ARID5A: variants seen among roughly 807,000 people sequenced by gnomAD.
ARID5A encodes the protein AT-rich interaction domain 5A, also known as AT-rich interactive domain-containing protein 5A.
In ARID5A, 14 loss-of-function variants were observed where a neutral mutation model predicts 30.5. That is an observed-to-expected ratio of 0.46 (90% CI 0.30 to 0.72). The LOEUF (loss-of-function observed/expected upper bound fraction) is 0.72, where lower values mean the gene tolerates loss of function less well. Ranked by LOEUF, ARID5A falls within the 30% of genes least tolerant of loss-of-function variation. The probability of loss-of-function intolerance (pLI) is 0.07; values close to 1 mark genes in which losing one functional copy is unlikely to be tolerated. For synonymous variants in ARID5A, 338 were observed against 340.4 expected, an observed-to-expected ratio of 0.99 and a Z score of 0.08; for missense variants, 669 against 786.2, an observed-to-expected ratio of 0.85 and a Z score of 1.78.
Position 96,549,589 on chromosome 2 carries a change from C to A in ARID5A, c.259+130C>A. The A allele has an allele frequency of 6.7e-7, 1 of 1,483,870 alleles. No individual in the cohort carries two copies. Among genetic ancestry groups the A allele is most frequent in the Non-Finnish European group, 9.3e-7 (1 of 1,077,524 alleles). 91.9% of individuals were successfully genotyped at this position (1,483,870 alleles called of 1,614,324 possible). On this transcript the variant is annotated intron_variant, in intron 3 of 6. Coordinates refer to ENST00000357485, the MANE Select transcript of ARID5A (RefSeq NM_212481.3). This position sits in a 1 kb window ranked among gnomAD's most constrained non-coding sequence, Gnocchi z 6.1. ...GAAAGGAGGCCTCCCTCCAGGCTGC[C>A]ACTGGGCCAGGGGTGCACAGGGCAC...
At position 96,539,729 on chromosome 2, in the gene ARID5A, CTCT is replaced by C. The variant is rs2065811745; in HGVS notation, c.4+2900_4+2902del. ...GCCATGCCCCTTCCCGGCCCTCCCC[CTCT>C]CCCCGCTGCTGCCCAGCTCTCTGAC... On this transcript the variant is annotated intron_variant, in intron 1 of 6. Transcript: ENST00000357485. This position sits in a 1 kb window ranked among gnomAD's most constrained non-coding sequence, Gnocchi z 4.7. Among the ~76,000 whole-genome samples, 1 of 151,146 alleles carries C rather than the reference CTCT, an allele frequency of 6.6e-6. No homozygotes were observed. The highest frequency in any genetic ancestry group is 2.5e-5 in the African/African-American group (1 of 40,522).
rs1376463086 is a variant in ARID5A, at chr2:96,550,665, G to C, written c.502G>C (p.Glu168Gln). ...KPRKQYKMAK[E>Q]NRGDDGATER... is the part of the protein sequence containing the mutation. ...CAGGAAACAGTACAAGATGGCTAAG[G>C]AGAACAGGGGGGATGATGGGGCCAC... is the stretch of plus-strand genomic sequence containing the variant. The change falls in exon 6 of 7, where the codon GAG (glutamate) becomes CAG (glutamine). Residue 168 changes from glutamate (E) to glutamine (Q), a missense_variant. Coordinates refer to ENST00000357485, the MANE Select transcript of ARID5A (RefSeq NM_212481.3). The surrounding 1 kb of genome is among the most constrained non-coding windows in gnomAD (Gnocchi z 6.6). 6.2e-7 allele frequency: 1 copy of C among 1,604,408 alleles called. No homozygotes were observed. The highest frequency in any genetic ancestry group is 8.5e-7 in the Non-Finnish European group (1 of 1,176,248).
intron 1 of ARID5A, among the ~76,000 whole-genome samples, chr2:96,542,313 G>A (rs1558614243): frequency 6.6e-6 from 1 of 152,214 alleles, no homozygotes; most frequent in Non-Finnish European, 1.5e-5. Context: ...CCTGAGAATG[G>A]AGACCGAGTT....
intron 1 of ARID5A, among the ~76,000 whole-genome samples, chr2:96,543,228 C>T (rs945633410): frequency 9.2e-5 from 14 of 152,214 alleles, no homozygotes; most frequent in Non-Finnish European, 1.0e-4. Flanking sequence ...CCTGGTCCCC[C>T]AGGGAGGCAA....
In ARID5A at chr2:96,549,888, G is replaced by A. The variant is rs2065995708; in HGVS notation, c.312+83G>A. The stretch of plus-strand genomic sequence containing the variant: ...GCGCTGTCCTTGCCTCTGGACAGAG[G>A]AAGAGCCAGGATCCCCAGTCCTACC... On this transcript the variant is annotated intron_variant, in intron 4 of 6. Transcript: ENST00000357485. The surrounding 1 kb of genome is among the most constrained non-coding windows in gnomAD (Gnocchi z 6.1). The A allele has an allele frequency of 1.3e-6, 2 of 1,556,246 alleles. No individual in the cohort carries two copies.
At chr2:96,538,629 C>T (rs1181854840) in intron 1 of ARID5A, among the ~76,000 whole-genome samples, 3 of 152,106 alleles carry the variant, frequency 2.0e-5, no homozygotes, top group Non-Finnish European at 2.9e-5. Flanking sequence ...TCGGCCTGGC[C>T]GCCGCTCCCG....
rs1167074765 is a variant in ARID5A at position 96,539,898 on chromosome 2, G to C, written c.4+3068G>C. On this transcript the variant is annotated intron_variant, in intron 1 of 6. Transcript: ENST00000357485. This position sits in a 1 kb window ranked among gnomAD's most constrained non-coding sequence, Gnocchi z 4.7. ...GACAAGTTTGCATCCTCTGAGCACAGATAAGGAACTTGAGGTCTCCCTGCT... is the reference window on the plus strand; with the variant it reads ...GACAAGTTTGCATCCTCTGAGCACACATAAGGAACTTGAGGTCTCCCTGCT... 6.6e-6 allele frequency among the ~76,000 whole-genome samples: 1 copy of C among 152,196 alleles called. No homozygotes were observed. The highest frequency in any genetic ancestry group is 1.5e-5 in the Non-Finnish European group (1 of 68,036).
At chr2:96,538,783 A>G (rs1268395088) in intron 1 of ARID5A, among the ~76,000 whole-genome samples, 1 of 152,170 alleles carries the variant, frequency 6.6e-6, no homozygotes, top group Non-Finnish European at 1.5e-5. Context: ...TGCTGTTACC[A>G]TTATTGTGGT....
chr2:96,548,142 T>C (rs536235745), intron 2 of ARID5A, among the ~76,000 whole-genome samples: 1 of 152,232 alleles, frequency 6.6e-6, no homozygotes, highest in Non-Finnish European at 1.5e-5. Context: ...TATGATTTCA[T>C]GGGTGATATG....
rs749119800 is a variant in ARID5A at position 96,551,414 on chromosome 2, G to A, written c.886G>A (p.Glu296Lys). ...PQASPAVHLP[E>K]SPQSPKGLTE... is the part of the protein sequence containing the mutation. ...GGCGTCCCCAGCTGTTCACCTCCCA[G>A]AGAGTCCCCAGAGCCCCAAAGGGCT... The change falls in exon 7 of 7, where the codon GAG (glutamate) becomes AAG (lysine). Residue 296 changes from glutamate to lysine, a missense_variant. This residue lies in a region of ARID5A where 548 missense variants were observed against 577.4 expected (regional missense o/e 0.95). Coordinates refer to ENST00000357485, the MANE Select transcript of ARID5A (RefSeq NM_212481.3). 1.0e-5 allele frequency: 16 copies of A among 1,604,440 alleles called. No individual in the cohort carries two copies. In the African/African-American group the frequency reaches 1.5e-4, roughly 15 times the overall value.
At chr2:96,538,150 A>G (rs1484311499) in intron 1 of ARID5A, 3 of 985,312 alleles carry the variant, frequency 3.0e-6, no homozygotes, top group East Asian at 1.1e-4. Context: ...CTGCTTCTAC[A>G]GTTGAGAGAC....
chr2:96,543,325 C>T (rs1306643244), intron 1 of ARID5A, among the ~76,000 whole-genome samples: 4 of 152,200 alleles, frequency 2.6e-5, no homozygotes, highest in Admixed American at 6.5e-5. Flanking sequence ...TGTACAGGCA[C>T]ACCTTGCTCT....
Position 96,552,132 on chromosome 2 carries a change from C to T in ARID5A, c.1604C>T (p.Pro535Leu), listed in dbSNP as rs762145488. 3.1e-6 allele frequency: 5 copies of T among 1,612,358 alleles called. No homozygotes were observed. The highest frequency in any genetic ancestry group is 4.2e-6 in the Non-Finnish European group (5 of 1,179,658). ...AGCCCCCTGGTCATCCCGGCCTTCC[C>T]GGCCCACTTCCTGGCCACCGCAGGC... is the stretch of plus-strand genomic sequence containing the variant. ...PFSPLVIPAF[P>L]AHFLATAGPS... The change falls in exon 7 of 7, where the codon CCG becomes CTG. Residue 535 changes from proline to leucine, a missense_variant. Around this residue, in one of 4 missense-constraint regions of ARID5A, gnomAD observed 548 missense variants for 577.4 expected, o/e 0.95. Transcript: ENST00000357485.
At chr2:96,544,516 A>G (rs1173291399) in intron 1 of ARID5A, among the ~76,000 whole-genome samples, 1 of 152,228 alleles carries the variant, frequency 6.6e-6, no homozygotes, top group African/African-American at 2.4e-5. Flanking sequence ...TCTAAAAATG[A>G]AATAACAAAG....
chr2:96,536,816 C>T lies in ARID5A; in HGVS notation c.-11C>T. 1 of 1,227,386 alleles carries T rather than the reference C, an allele frequency of 8.1e-7. No individual in the cohort carries two copies. The highest frequency in any genetic ancestry group is 1.0e-6 in the Non-Finnish European group (1 of 985,048). 76.0% of individuals were successfully genotyped at this position (1,227,386 alleles called of 1,614,324 possible). A position where few individuals can be genotyped will look rare whatever the true frequency, so the allele number is the denominator to read the frequency against. On this transcript the variant is annotated 5_prime_UTR_variant, in exon 1 of 7. Coordinates refer to ENST00000357485, the MANE Select transcript of ARID5A (RefSeq NM_212481.3). ...GGTCTCGGGGCGGGCGCCGCGGGAC[C>T]TCTCCGGGCCATGGGTAAGCGGCTC...
At position 96,552,030 on chromosome 2, in the gene ARID5A, G is replaced by C. The variant is rs764360786; in HGVS notation, c.1502G>C (p.Arg501Thr). 1 of 1,539,178 alleles carries C rather than the reference G, an allele frequency of 6.5e-7. No homozygotes were observed. Among genetic ancestry groups the C allele is most frequent in the Non-Finnish European group, 8.7e-7 (1 of 1,143,390 alleles). The change falls in exon 7 of 7, where the codon AGG becomes ACG. Residue 501 changes from arginine (R) to threonine (T), a missense_variant. Arg to Thr is a moderately conservative substitution (Grantham distance 71, BLOSUM62 -1). This residue lies in a region of ARID5A where 548 missense variants were observed against 577.4 expected (regional missense o/e 0.95). Transcript: ENST00000357485. ...GGGCCTGTGCCCCCAGAGGCCTACAGGGGCACCATGCTGCACTGCCCGCTG... is the reference window on the plus strand; with the variant it reads ...GGGCCTGTGCCCCCAGAGGCCTACACGGGCACCATGCTGCACTGCCCGCTG... ...ALGPVPPEAY[R>T]GTMLHCPLNF...
chr2:96,549,723 T>C lies in ARID5A; in HGVS notation c.260-30T>C, dbSNP rs374480026. 1.9e-6 allele frequency: 3 copies of C among 1,613,762 alleles called. No homozygotes were observed. The highest frequency in any genetic ancestry group is 2.5e-6 in the Non-Finnish European group (3 of 1,179,952). On this transcript the variant is annotated intron_variant, in intron 3 of 6. Transcript: ENST00000357485. The surrounding 1 kb of genome is among the most constrained non-coding windows in gnomAD (Gnocchi z 6.1). Reference sequence around the variant, plus strand: ...TGCTGTCCCCACCTCCCACAGAGACTGACGGCCAGCCTGCTCTTCTCTCCC... The same window carrying C: ...TGCTGTCCCCACCTCCCACAGAGACCGACGGCCAGCCTGCTCTTCTCTCCC...
At position 96,552,173 on chromosome 2, in the gene ARID5A, G is replaced by A. The variant is rs544853265; in HGVS notation, c.1645G>A (p.Ala549Thr). The A allele has an allele frequency of 1.6e-5, 26 of 1,613,220 alleles. No homozygotes were observed. The highest frequency in any genetic ancestry group is 1.1e-4 in the South Asian group (10 of 91,056). Residue 549 changes from alanine to threonine, a missense_variant, in exon 7 of 7, where the codon GCT (alanine) becomes ACT (threonine). This residue lies in a region of ARID5A where 548 missense variants were observed against 577.4 expected (regional missense o/e 0.95). Transcript: ENST00000357485. ...CACCGCAGGCCCCTCGCCCATGGCC[G>A]CTGGCCTGATGCACTTCCCCCCAAC... ...LATAGPSPMA[A>T]GLMHFPPTSF...
rs778561637 is a variant in ARID5A, at chr2:96,552,099, T to C, written c.1571T>C (p.Leu524Pro). The change falls in exon 7 of 7, where the codon CTC becomes CCC. Residue 524 changes from leucine (L) to proline (P), a missense_variant. Transcript: ENST00000357485. ...GGCCCCTTGAAGGGCCAGGCTGCACTCCCCTTCAGCCCCCTGGTCATCCCG... is the reference window on the plus strand; with the variant it reads ...GGCCCCTTGAAGGGCCAGGCTGCACCCCCCTTCAGCCCCCTGGTCATCCCG... ...TPGPLKGQAA[L>P]PFSPLVIPAF... The C allele has an allele frequency of 1.5e-5, 24 of 1,603,900 alleles. No homozygotes were observed. In the East Asian group the frequency reaches 1.6e-4, roughly 10 times the overall value.
Sources: allele counts gnomAD v4.1 joint callset (sites outside exome capture counted in the v4.1 genomes callset), GRCh38; gene constraint gnomAD v4.1.1; regional missense constraint gnomAD v4.1.1; non-coding constraint Gnocchi (gnomAD v3.1); transcripts MANE v1.5; gene names NCBI Gene and HGNC (gene_info 2026-07-23, HGNC 2026-07-21).